The following PRRC2C variants were observed in gnomAD, a reference collection of about 807,000 sequenced individuals.
The protein encoded by PRRC2C is proline rich coiled-coil 2C.
PRRC2C carries 72 observed loss-of-function variants against 317.2 expected under a neutral mutation model. The ratio of observed to expected loss-of-function variants is 0.23; its 90% CI spans 0.19 to 0.28. The LOEUF (loss-of-function observed/expected upper bound fraction) is 0.28. PRRC2C is among the 10% of genes least tolerant of loss of function. The probability of loss-of-function intolerance (pLI) is 1.00; values close to 1 mark genes in which losing one functional copy is unlikely to be tolerated. For synonymous variants in PRRC2C, 1,296 were observed against 1,205.9 expected, an observed-to-expected ratio of 1.07 and a Z score of -1.55; for missense variants, 3,074 against 3,459.7, an observed-to-expected ratio of 0.89 and a Z score of 2.80.
chr1:171,560,103 G>C (rs1682368403), intron 19 of PRRC2C, among the ~76,000 whole-genome samples: 1 of 152,124 alleles, frequency 6.6e-6, no homozygotes. Flanking sequence ...TGATGGATCT[G>C]GGCAAAGAAA....
intron 24 of PRRC2C, among the ~76,000 whole-genome samples, chr1:171,572,031 G>C (rs1053160630): frequency 6.6e-6 from 1 of 151,524 alleles, no homozygotes; most frequent in Admixed American, 6.6e-5. Context: ...ATAATTTTGA[G>C]CTATGTTAAT....
At position 171,589,534 on chromosome 1, in the gene PRRC2C, C is replaced by T. The variant is rs1650883891; in HGVS notation, c.8365C>T (p.Pro2789Ser). The T allele has an allele frequency of 3.1e-6, 4 of 1,289,582 alleles. No homozygotes were observed. The highest frequency in any genetic ancestry group is 3.0e-6 in the Non-Finnish European group (3 of 988,854). 79.9% of individuals were successfully genotyped at this position (1,289,582 alleles called of 1,614,324 possible). ...HARLPHVARGPCGSLSGVRGN... is the reference protein window; with the variant it reads ...HARLPHVARGSCGSLSGVRGN... The stretch of plus-strand genomic sequence containing the variant: ...TCGTTTGCCACATGTAGCCAGGGGT[C>T]CTTGTGGATCACTATCTGGAGTCAG... The change falls in exon 34 of 35, where the codon CCT (proline) becomes TCT (serine). Residue 2789 changes from proline (P) to serine (S), a missense_variant. Pro to Ser is a moderately conservative substitution (Grantham distance 74). Coordinates refer to ENST00000647382, the MANE Select transcript of PRRC2C (RefSeq NM_001387844.1).
chr1:171,579,100 A>G (rs113173396), intron 26 of PRRC2C, among the ~76,000 whole-genome samples: 2 of 152,272 alleles, frequency 1.3e-5, no homozygotes, highest in South Asian at 2.1e-4. Flanking sequence ...CTGCGTATCT[A>G]TACCCCATTG....
In PRRC2C at chr1:171,574,978, G is replaced by C; in HGVS notation, c.6805G>C (p.Gly2269Arg). The C allele has an allele frequency of 1.2e-6, 2 of 1,613,834 alleles. No individual in the cohort carries two copies. The highest frequency in any genetic ancestry group is 1.7e-6 in the Non-Finnish European group (2 of 1,179,844). ...WENSPNVREK[G>R]SPVTSTAPPI... The stretch of plus-strand genomic sequence containing the variant: ...GAATTCTCCAAATGTAAGGGAAAAG[G>C]GGTCTCCAGTAACTTCCACAGCACC... Residue 2269 changes from glycine (G) to arginine (R), a missense_variant, in exon 25 of 35, where the codon GGG (glycine) becomes CGG (arginine). By Grantham distance (125) the Gly-to-Arg change is moderately radical. Coordinates refer to ENST00000647382, the MANE Select transcript of PRRC2C (RefSeq NM_001387844.1).
At chr1:171,517,519 A>G (rs1490972283) in intron 5 of PRRC2C, 72 bp from the exon 6 acceptor site, 1 of 1,365,490 alleles carries the variant, frequency 7.3e-7, no homozygotes, top group African/African-American at 1.4e-5. Flanking sequence ...TTTTCCTGAA[A>G]TACATTTTGG....
intron 13 of PRRC2C, 72 bp downstream of exon 13, chr1:171,535,669 A>G: frequency 6.8e-7 from 1 of 1,469,618 alleles, no homozygotes. Flanking sequence ...GGGAAATTAG[A>G]CATAAAACTG....
rs572500675 is a variant in PRRC2C, at chr1:171,558,490, C to G, written c.6031+347C>G. On this transcript the variant is annotated intron_variant, in intron 19 of 34. Transcript: ENST00000647382. ...AGCAAGTCTTCTGGTGTCATTTTTC[C>G]AACAGCATGTGGTCATTTCATGTTC... Among the ~76,000 whole-genome samples the G allele has an allele frequency of 3.1e-4, 47 of 152,144 alleles. No individual in the cohort carries two copies. The South Asian group carries it at 9.6e-3, about 31-fold the overall frequency.
intron 12 of PRRC2C, among the ~76,000 whole-genome samples, chr1:171,533,420 A>G (rs1323809862): frequency 7.3e-6 from 1 of 136,962 alleles, no homozygotes; most frequent in African/African-American, 2.7e-5. Context: ...GCAAGCTTCC[A>G]TGGTGTAGTT....
chr1:171,545,534 T>C lies in PRRC2C; in HGVS notation c.4819T>C (p.Ser1607Pro). The C allele has an allele frequency of 6.3e-7, 1 of 1,594,592 alleles. No homozygotes were observed. The highest frequency in any genetic ancestry group is 8.5e-7 in the Non-Finnish European group (1 of 1,170,238). Reference protein sequence around the residue: ...TTGVDLINGSSAHHQEGVPNG... With the variant: ...TTGVDLINGSPAHHQEGVPNG... ...TGGGGTTGACCTCATCAATGGCAGC[T>C]CTGCACACCATCAGGAAGGAGTACC... Residue 1607 changes from serine (S) to proline (P), a missense_variant, in exon 17 of 35, where the codon TCT becomes CCT. Around this residue, in one of 11 missense-constraint regions of PRRC2C, gnomAD observed 178 missense variants for 163.0 expected, o/e 1.09. Coordinates refer to ENST00000647382, the MANE Select transcript of PRRC2C (RefSeq NM_001387844.1).
At chr1:171,566,485 AC>A (rs1227407623) in intron 21 of PRRC2C, 64 bp downstream of exon 21, 2 of 1,489,312 alleles carry the variant, frequency 1.3e-6, no homozygotes, top group Admixed American at 2.5e-5. Context: ...AGCAAATAAT[AC>A]TTTTAAAAGT....
chr1:171,538,063 G>A (rs913269818), intron 15 of PRRC2C, among the ~76,000 whole-genome samples: 3 of 152,116 alleles, frequency 2.0e-5, no homozygotes, highest in Admixed American at 2.0e-4. Flanking sequence ...ACCACGCCCA[G>A]CTAAATTTTT....
At chr1:171,495,746 A>T (rs929635113) in intron 1 of PRRC2C, among the ~76,000 whole-genome samples, 5 of 152,170 alleles carry the variant, frequency 3.3e-5, no homozygotes, top group Non-Finnish European at 5.9e-5. Context: ...TAAATGGGCA[A>T]TTTAGTTAAA....
chr1:171,521,268 A>T (rs1225138994), intron 6 of PRRC2C, among the ~76,000 whole-genome samples: 1 of 152,234 alleles, frequency 6.6e-6, no homozygotes, highest in Admixed American at 6.5e-5. Flanking sequence ...CCTATTATTT[A>T]CATAATTTGA....
intron 4 of PRRC2C, 42 bp from the exon 5 acceptor site, chr1:171,515,692 G>A (rs1168798816): frequency 2.0e-6 from 3 of 1,477,398 alleles, no homozygotes; most frequent in Non-Finnish European, 2.7e-6. Context: ...ATTATCTTCA[G>A]TATAAAAGTT....
chr1:171,536,217 C>A lies in PRRC2C; in HGVS notation c.2232C>A (p.Ser744=). 6.2e-7 allele frequency: 1 copy of A among 1,613,672 alleles called. No individual in the cohort carries two copies. The highest frequency in any genetic ancestry group is 1.3e-5 in the African/African-American group (1 of 75,040). ...GFDPRWLMMQ[S]YMDPRMMSGR... ...ATCCAAGGTGGCTCATGATGCAGTCCTACATGGATCCTCGAATGATGTCAG... is the reference window on the plus strand; with the variant it reads ...ATCCAAGGTGGCTCATGATGCAGTCATACATGGATCCTCGAATGATGTCAG... Residue 744 remains serine, a synonymous_variant, in exon 14 of 35, where the codon TCC becomes TCA. Transcript: ENST00000647382.
chr1:171,578,461 G>A (rs1272180608), intron 26 of PRRC2C, among the ~76,000 whole-genome samples: 2 of 152,178 alleles, frequency 1.3e-5, no homozygotes, highest in Non-Finnish European at 2.9e-5. Context: ...GCTGAGGTGA[G>A]AGAATCATTT....
chr1:171,556,018 C>A (rs1455113255), intron 18 of PRRC2C, among the ~76,000 whole-genome samples: 1 of 152,156 alleles, frequency 6.6e-6, no homozygotes, highest in Non-Finnish European at 1.5e-5. Context: ...CTATGCCCTG[C>A]CCCCAGAGCA....
In PRRC2C at chr1:171,541,983, A is replaced by G. The variant is rs1400864242; in HGVS notation, c.4517A>G (p.Asp1506Gly). ...EEWETASESSDFNERRERDEK... is the reference protein window; with the variant it reads ...EEWETASESSGFNERRERDEK... Reference sequence around the variant, plus strand: ...TGGGAAACAGCTTCTGAAAGCAGTGATTTCAATGAGAGGCGAGAGAGGGAT... The same window carrying G: ...TGGGAAACAGCTTCTGAAAGCAGTGGTTTCAATGAGAGGCGAGAGAGGGAT... The change falls in exon 16 of 35, where the codon GAT becomes GGT. Residue 1506 changes from aspartate to glycine, a missense_variant. Asp to Gly is a moderately conservative substitution (Grantham distance 94). Transcript: ENST00000647382. This position sits in a 1 kb window ranked among gnomAD's most constrained non-coding sequence, Gnocchi z 4.1. 1 of 1,613,744 alleles carries G rather than the reference A, an allele frequency of 6.2e-7. No individual in the cohort carries two copies. Among genetic ancestry groups the G allele is most frequent in the Non-Finnish European group, 8.5e-7 (1 of 1,179,786 alleles).
intron 18 of PRRC2C, among the ~76,000 whole-genome samples, chr1:171,554,143 T>C (rs1176258760): frequency 2.0e-5 from 3 of 152,208 alleles, no homozygotes; most frequent in African/African-American, 4.8e-5. Flanking sequence ...TAAATGAATA[T>C]ATATGCTCCT....
Sources: gnomAD v4.1 joint callset for allele counts (sites outside exome capture counted in the v4.1 genomes callset) on GRCh38, gnomAD v4.1.1 for gene constraint, gnomAD v4.1.1 regional missense constraint, Gnocchi (gnomAD v3.1) non-coding constraint, MANE v1.5 for transcripts, NCBI Gene and HGNC (gene_info 2026-07-23, HGNC 2026-07-21) for gene names.